Variants in FHOD3 observed in about 807,000 individuals in gnomAD.
The protein encoded by FHOD3 is FH1/FH2 domain-containing protein 3.
Under a neutral mutation model 173.0 loss-of-function variants are expected in FHOD3, and 90 were observed. That is an observed-to-expected ratio of 0.52 (90% confidence interval 0.44 to 0.62). The LOEUF (loss-of-function observed/expected upper bound fraction) is 0.62. FHOD3 is among the 20% of genes least tolerant of loss of function. FHOD3 has a pLI of 0.00. For synonymous variants in FHOD3, 828 were observed against 823.0 expected (o/e 1.01, Z -0.10); for missense variants, 1,945 against 2,034.7 (o/e 0.96, Z 0.85).
At chr18:36,480,624 A>G (rs1174465557) in intron 3 of FHOD3, among the ~76,000 whole-genome samples, 1 of 152,216 alleles carries the variant, frequency 6.6e-6, no homozygotes, top group African/African-American at 2.4e-5. Context: ...AACGTAGGAG[A>G]GTAACTTTAG....
chr18:36,686,066 C>G (rs1311186041), intron 15 of FHOD3, among the ~76,000 whole-genome samples: 1 of 151,978 alleles, frequency 6.6e-6, no homozygotes, highest in Non-Finnish European at 1.5e-5. Flanking sequence ...GACCTAGAAC[C>G]AGAAATGCCA....
Position 36,641,280 on chromosome 18 carries a change from G to A in FHOD3, c.1197-8036G>A, listed in dbSNP as rs527868646. Among the ~76,000 whole-genome samples the A allele has an allele frequency of 2.6e-5, 4 of 152,356 alleles. No homozygotes were observed. The South Asian group carries it at 8.3e-4, about 32-fold the overall frequency. ...GAAATGCCCTTGATGTTGGGTGGAA[G>A]CTTGATATATCAGTAGACTGTGTAA... On this transcript the variant is annotated intron_variant, in intron 10 of 28. Transcript: ENST00000590592.
At chr18:36,400,361 T>C (rs1225287094) in intron 3 of FHOD3, among the ~76,000 whole-genome samples, 2 of 152,216 alleles carry the variant, frequency 1.3e-5, no homozygotes, top group Non-Finnish European at 2.9e-5. Flanking sequence ...CTCTTCTAAA[T>C]GGAGAGGACA....
rs551839272 is a variant in FHOD3 at position 36,718,659 on chromosome 18, A to G, written c.3361A>G (p.Thr1121Ala). ...WSKLEPIKVD[T>A]SRLEHLFESK... is the part of the protein sequence containing the mutation. ...AAAACTGGAACCCATTAAGGTGGACACTTCCAGACTGGAGCACCTGTTTGA... is the reference window on the plus strand; with the variant it reads ...AAAACTGGAACCCATTAAGGTGGACGCTTCCAGACTGGAGCACCTGTTTGA... The change falls in exon 19 of 29, where the codon ACT (threonine) becomes GCT (alanine). Residue 1121 changes from threonine to alanine, a missense_variant. Transcript: ENST00000590592. 5.0e-6 allele frequency: 8 copies of G among 1,614,202 alleles called. No individual in the cohort carries two copies. The African/African-American group carries it at 8.0e-5, about 16-fold the overall frequency.
chr18:36,595,803 T>A lies in FHOD3; in HGVS notation c.718+905T>A, dbSNP rs188047663. 1.6e-4 allele frequency among the ~76,000 whole-genome samples: 24 copies of A among 152,366 alleles called. No homozygotes were observed. In the East Asian group the frequency reaches 4.4e-3, roughly 28 times the overall value. On this transcript the variant is annotated intron_variant, in intron 7 of 28. Transcript: ENST00000590592. Reference sequence around the variant, plus strand: ...AATTAAAATGATTTTTCTCCTTTTGTCTTTTGTTGTTTGTTTTCTTCCCCA... The same window carrying A: ...AATTAAAATGATTTTTCTCCTTTTGACTTTTGTTGTTTGTTTTCTTCCCCA...
intron 6 of FHOD3, among the ~76,000 whole-genome samples, chr18:36,592,104 A>G (rs1395367794): frequency 1.3e-5 from 2 of 152,210 alleles, no homozygotes; most frequent in African/African-American, 2.4e-5. Context: ...CTGTAGTCCC[A>G]GCTATTCAGG....
intron 3 of FHOD3, among the ~76,000 whole-genome samples, chr18:36,381,122 G>A (rs916428776): frequency 2.0e-5 from 3 of 152,232 alleles, no homozygotes; most frequent in African/African-American, 7.2e-5. Flanking sequence ...CTTCTGGTTT[G>A]AGAAGTCTGG....
chr18:36,669,690 C>A (rs1051155189), intron 14 of FHOD3, among the ~76,000 whole-genome samples: 1 of 151,836 alleles, frequency 6.6e-6, no homozygotes, highest in Admixed American at 6.6e-5. Flanking sequence ...TTTCTTCCAG[C>A]CTTTATGCTA....
chr18:36,756,223 G>A (rs2042627928), intron 25 of FHOD3, among the ~76,000 whole-genome samples: 1 of 152,152 alleles, frequency 6.6e-6, no homozygotes, highest in Non-Finnish European at 1.5e-5. Flanking sequence ...TCCTCCTTTA[G>A]TCACTATTTA....
At chr18:36,341,295 T>C (rs2045607070) in intron 1 of FHOD3, among the ~76,000 whole-genome samples, 1 of 152,206 alleles carries the variant, frequency 6.6e-6, no homozygotes, top group South Asian at 2.1e-4. Context: ...CTTTTGGCTA[T>C]AATGAACTAG....
rs138179183 is a variant in FHOD3, at chr18:36,641,820, G to T, written c.1197-7496G>T. On this transcript the variant is annotated intron_variant, in intron 10 of 28. Coordinates refer to ENST00000590592, the MANE Select transcript of FHOD3 (RefSeq NM_001281740.3). Reference sequence around the variant, plus strand: ...AAATTATAAAAATTAGCTGGGTGTGGTGGTGCATGCCTGTTATCCCAGCTA... The same window carrying T: ...AAATTATAAAAATTAGCTGGGTGTGTTGGTGCATGCCTGTTATCCCAGCTA... Among the ~76,000 whole-genome samples the T allele has an allele frequency of 2.4e-4, 37 of 152,178 alleles. No homozygotes were observed. The East Asian group carries it at 6.6e-3, about 27-fold the overall frequency.
chr18:36,336,848 CAAA>C (rs36099993), intron 1 of FHOD3, among the ~76,000 whole-genome samples: 514 of 35,812 alleles, frequency 0.014, 14 homozygotes, highest in African/African-American at 0.04. Flanking sequence ...AACTCCGTCT[CAAA>C]AAAAAAAAAA....
At chr18:36,407,036 T>C (rs1218275364) in intron 3 of FHOD3, among the ~76,000 whole-genome samples, 2 of 152,194 alleles carry the variant, frequency 1.3e-5, no homozygotes, top group Non-Finnish European at 2.9e-5. Context: ...TGTAATCGCA[T>C]CATGTGTCTG....
chr18:36,410,800 A>G (rs1199782186), intron 3 of FHOD3, among the ~76,000 whole-genome samples: 1 of 152,136 alleles, frequency 6.6e-6, no homozygotes, highest in African/African-American at 2.4e-5. Flanking sequence ...TTTGTATATC[A>G]CCTTTGGAGA....
intron 1 of FHOD3, among the ~76,000 whole-genome samples, chr18:36,327,145 A>G (rs535263673): frequency 1.3e-5 from 2 of 152,338 alleles, no homozygotes; most frequent in East Asian, 3.9e-4. Flanking sequence ...ATGTTTCACC[A>G]ATTCCCCAAG....
rs531405017 is a variant in FHOD3 at position 36,665,775 on chromosome 18, A to G, written c.1835+7587A>G. Among the ~76,000 whole-genome samples, 13 of 152,272 alleles carry G rather than the reference A, an allele frequency of 8.5e-5. No homozygotes were observed. In the South Asian group the frequency reaches 2.7e-3, roughly 32 times the overall value. ...AAGCAGAGAGGAGATGGGAAGGAAG[A>G]ATGTGCCTTGGTCCTGGCCAGCAAG... On this transcript the variant is annotated intron_variant, in intron 14 of 28. Coordinates refer to ENST00000590592, the MANE Select transcript of FHOD3 (RefSeq NM_001281740.3).
intron 3 of FHOD3, among the ~76,000 whole-genome samples, chr18:36,422,940 G>A (rs1480381739): frequency 6.6e-6 from 1 of 152,086 alleles, no homozygotes; most frequent in African/African-American, 2.4e-5. Context: ...ATTTTAATGT[G>A]AGAAAGGAAA....
At chr18:36,471,391 A>T (rs1452815242) in intron 3 of FHOD3, among the ~76,000 whole-genome samples, 2 of 152,072 alleles carry the variant, frequency 1.3e-5, no homozygotes, top group Admixed American at 6.5e-5. Flanking sequence ...CTCCTCCCAG[A>T]AGGCTTCAAA....
At chr18:36,482,854 C>CAGAG (rs1405818047) in intron 3 of FHOD3, among the ~76,000 whole-genome samples, 11 of 97,968 alleles carry the variant, frequency 1.1e-4, no homozygotes, top group African/African-American at 4.5e-4. Flanking sequence ...CACTCACACA[C>CAGAG]ACACAGAGAG....
Sources: gnomAD v4.1 joint callset for allele counts (sites outside exome capture counted in the v4.1 genomes callset) on GRCh38, gnomAD v4.1.1 for gene constraint, MANE v1.5 for transcripts, NCBI Gene and HGNC (gene_info 2026-07-23, HGNC 2026-07-21) for gene names.